The following ADAMTS17 variants were observed in gnomAD, a reference collection of about 807,000 sequenced individuals.
ADAMTS17 encodes the protein A disintegrin and metalloproteinase with thrombospondin motifs 17.
In ADAMTS17, 113 loss-of-function variants were observed where a neutral mutation model predicts 141.5. The observed-to-expected ratio is 0.80, with a 90% CI of 0.69 to 0.93. The LOEUF is 0.93. Among genes scored for constraint, ADAMTS17 ranks in the 40% least tolerant of loss-of-function variants. The pLI is 0.00. For synonymous variants in ADAMTS17, 768 were observed against 630.6 expected (o/e 1.22, Z -3.27); for missense variants, 1,659 against 1,517.9 (o/e 1.09, Z -1.54).
intron 4 of ADAMTS17, among the ~76,000 whole-genome samples, chr15:100,275,862 G>T (rs2044063228): frequency 6.7e-6 from 1 of 149,958 alleles, no homozygotes; most frequent in African/African-American, 2.5e-5. Flanking sequence ...AATTCTCCCA[G>T]CTTTGGCCAT....
chr15:100,086,684 AACTC>A (rs1412376622), intron 15 of ADAMTS17, among the ~76,000 whole-genome samples: 2 of 151,772 alleles, frequency 1.3e-5, no homozygotes, highest in Non-Finnish European at 2.9e-5. Context: ...AGGATTAAGA[AACTC>A]ACTCAAAACC....
chr15:99,992,215 T>C (rs1177829475), intron 20 of ADAMTS17, among the ~76,000 whole-genome samples: 3 of 152,254 alleles, frequency 2.0e-5, no homozygotes, highest in Middle Eastern at 3.4e-3. Flanking sequence ...CCAACATGTT[T>C]AAGATATTCT....
At chr15:100,204,738 C>T in intron 7 of ADAMTS17, among the ~76,000 whole-genome samples, 1 of 152,186 alleles carries the variant, frequency 6.6e-6, no homozygotes, top group East Asian at 1.9e-4. Context: ...GCCTTCTTAG[C>T]TATAACATCA....
chr15:100,275,028 A>C (rs1405172400), intron 4 of ADAMTS17, among the ~76,000 whole-genome samples: 1 of 152,226 alleles, frequency 6.6e-6, no homozygotes, highest in South Asian at 2.1e-4. Flanking sequence ...TTGTAAATTC[A>C]GATGAGGACT....
chr15:100,091,547 A>G (rs1159735705), intron 15 of ADAMTS17, among the ~76,000 whole-genome samples: 1 of 152,204 alleles, frequency 6.6e-6, no homozygotes, highest in Non-Finnish European at 1.5e-5. Flanking sequence ...AACCTGTCTC[A>G]AATCTTCCAG....
chr15:100,069,079 A>ACAG (rs2033776338), intron 15 of ADAMTS17, among the ~76,000 whole-genome samples: 2 of 152,262 alleles, frequency 1.3e-5, no homozygotes, highest in South Asian at 2.1e-4. Context: ...CCAAGCCATG[A>ACAG]GAACTACGTG....
chr15:100,259,284 G>T (rs1443319836), intron 6 of ADAMTS17, among the ~76,000 whole-genome samples: 1 of 152,226 alleles, frequency 6.6e-6, no homozygotes, highest in African/African-American at 2.4e-5. Context: ...GGTTCCCAAG[G>T]ACTCTTGCTT....
At chr15:100,305,480 C>G (rs555559307) in intron 3 of ADAMTS17, among the ~76,000 whole-genome samples, 1 of 152,334 alleles carries the variant, frequency 6.6e-6, no homozygotes, top group South Asian at 2.1e-4. Flanking sequence ...GTGCCAAGAC[C>G]TGTGTGCACA....
chr15:100,039,661 G>A (rs1347106449), intron 18 of ADAMTS17, among the ~76,000 whole-genome samples: 2 of 152,150 alleles, frequency 1.3e-5, no homozygotes, highest in African/African-American at 4.8e-5. Flanking sequence ...CTGGCCTAGT[G>A]TATGATCTAT....
At chr15:100,230,985 C>T (rs747846177) in intron 7 of ADAMTS17, among the ~76,000 whole-genome samples, 11 of 152,200 alleles carry the variant, frequency 7.2e-5, no homozygotes, top group Non-Finnish European at 1.3e-4. Flanking sequence ...GGAAGGCAGC[C>T]ACCCTTTCCA....
At chr15:100,253,370 G>A (rs1479171798) in intron 7 of ADAMTS17, among the ~76,000 whole-genome samples, 1 of 87,664 alleles carries the variant, frequency 1.1e-5, no homozygotes, top group Non-Finnish European at 2.3e-5. Flanking sequence ...GAAGGTAGAG[G>A]GGGAGGGGAA....
At chr15:100,039,812 G>A (rs562637396) in intron 18 of ADAMTS17, among the ~76,000 whole-genome samples, 4 of 152,254 alleles carry the variant, frequency 2.6e-5, no homozygotes, top group African/African-American at 9.6e-5. Flanking sequence ...ACTACTGAAA[G>A]TGAGGTATTG....
chr15:100,338,377 C>G (rs955727958), intron 2 of ADAMTS17, among the ~76,000 whole-genome samples: 1 of 152,194 alleles, frequency 6.6e-6, no homozygotes, highest in East Asian at 1.9e-4. Flanking sequence ...TGCCCCCAGC[C>G]CAGGCACTCA....
chr15:100,239,699 C>A (rs912017640), intron 7 of ADAMTS17, among the ~76,000 whole-genome samples: 1 of 152,170 alleles, frequency 6.6e-6, no homozygotes, highest in African/African-American at 2.4e-5. Flanking sequence ...CCTGGTGCTA[C>A]TGGAGCACAG....
intron 10 of ADAMTS17, among the ~76,000 whole-genome samples, chr15:100,139,857 T>C (rs1050434737): frequency 2.0e-5 from 3 of 152,132 alleles, no homozygotes; most frequent in Non-Finnish European, 4.4e-5. Flanking sequence ...AAACGTGAAA[T>C]AGGATCCTGG....
At chr15:100,298,491 T>C (rs760213015) in intron 3 of ADAMTS17, among the ~76,000 whole-genome samples, 1 of 152,120 alleles carries the variant, frequency 6.6e-6, no homozygotes, top group Non-Finnish European at 1.5e-5. Flanking sequence ...TGTTTTTGCA[T>C]GCAAAAACTC....
chr15:100,053,688 A>G (rs532026778), intron 16 of ADAMTS17, among the ~76,000 whole-genome samples: 2 of 152,272 alleles, frequency 1.3e-5, no homozygotes, highest in East Asian at 3.9e-4. Context: ...GGAAGCAATG[A>G]GAGAATTCTG....
intron 15 of ADAMTS17, chr15:100,063,827 C>T: frequency 8.7e-7 from 1 of 1,150,532 alleles, no homozygotes; most frequent in Non-Finnish European, 1.2e-6. Context: ...GCAGCATCCC[C>T]CGGCCAAAAT....
chr15:99,989,961 G>T (rs2060658949), intron 20 of ADAMTS17, among the ~76,000 whole-genome samples: 1 of 152,222 alleles, frequency 6.6e-6, no homozygotes, highest in Non-Finnish European at 1.5e-5. Context: ...CAGAGATAAA[G>T]AGAGGTTAAG....
Sources: gnomAD v4.1 joint callset for allele counts (sites outside exome capture counted in the v4.1 genomes callset) on GRCh38, gnomAD v4.1.1 for gene constraint, MANE v1.5 for transcripts, NCBI Gene and HGNC (gene_info 2026-07-23, HGNC 2026-07-21) for gene names.